Variants in ISG20 observed in about 807,000 individuals in gnomAD.
The protein encoded by ISG20 is interferon-stimulated gene 20 kDa protein.
Under a neutral mutation model 11.1 loss-of-function variants are expected in ISG20, and 8 were observed. The observed-to-expected ratio is 0.72, with a 90% confidence interval of 0.42 to 1.30. The LOEUF (loss-of-function observed/expected upper bound fraction) is 1.30. Among genes scored for constraint, ISG20 ranks in the 50% most tolerant of loss-of-function variants. The pLI is 0.01. For synonymous variants in ISG20, 110 were observed against 101.7 expected (o/e 1.08, Z -0.49); for missense variants, 243 against 250.2 (o/e 0.97, Z 0.19).
intron 2 of ISG20, chr15:88,647,444 G>A (rs796409253): frequency 1.4e-4 from 21 of 152,228 alleles, no homozygotes; most frequent in African/African-American, 5.1e-4. Flanking sequence ...CAATGCCCAG[G>A]GCAGCTCCCT....
Position 88,650,375 on chromosome 15 carries a change from G to C in ISG20, c.229-1735G>C. ...GCAGTCACAGCTGGGCGCCTGGGCT[G>C]CTGGAGGCCTGGAGTGGTCGTTCAC... On this transcript the variant is annotated intron_variant, in intron 2 of 3. Coordinates refer to ENST00000306072, the MANE Select transcript of ISG20 (RefSeq NM_002201.6). The surrounding 1 kb of genome is among the most constrained non-coding windows in gnomAD (Gnocchi z 4.0). 1.3e-6 allele frequency: 2 copies of C among 1,532,052 alleles called. No homozygotes were observed. The highest frequency in any genetic ancestry group is 1.7e-6 in the Non-Finnish European group (2 of 1,145,418). The allele number at this position is 1,532,052 out of a possible 1,614,324, so 94.9% of individuals were successfully genotyped here.
chr15:88,640,556 A>G (rs150580346), intron 2 of ISG20, among the ~76,000 whole-genome samples: 86 of 152,200 alleles, frequency 5.7e-4, no homozygotes, highest in African/African-American at 2.0e-3. Flanking sequence ...AAGTTACTCA[A>G]CCTCTTTGTA....
intron 2 of ISG20, among the ~76,000 whole-genome samples, chr15:88,646,448 T>C (rs1173725510): frequency 6.6e-6 from 1 of 152,194 alleles, no homozygotes; most frequent in Non-Finnish European, 1.5e-5. Flanking sequence ...GAATGCACTC[T>C]ATAAATGCTA....
Position 88,655,843 on chromosome 15 carries a change from T to C in ISG20, c.*312T>C. ...AAGTAGCATGTGGCTTAATTACTAATCCCACCCTTTGCTGTTGCATCCCAG... is the reference window on the plus strand; with the variant it reads ...AAGTAGCATGTGGCTTAATTACTAACCCCACCCTTTGCTGTTGCATCCCAG... On this transcript the variant is annotated 3_prime_UTR_variant, in exon 4 of 4. Coordinates refer to ENST00000306072, the MANE Select transcript of ISG20 (RefSeq NM_002201.6). The C allele has an allele frequency of 4.2e-6, 1 of 240,284 alleles. No individual in the cohort carries two copies. Among genetic ancestry groups the C allele is most frequent in the Non-Finnish European group, 8.1e-6 (1 of 123,346 alleles). 14.9% of individuals were successfully genotyped at this position (240,284 alleles called of 1,614,324 possible).
chr15:88,644,906 C>T (rs1184948277), intron 2 of ISG20, among the ~76,000 whole-genome samples: 4 of 152,234 alleles, frequency 2.6e-5, no homozygotes, highest in Admixed American at 6.5e-5. Flanking sequence ...AGTACCTCTC[C>T]GAGTCCCTGT....
At position 88,655,710 on chromosome 15, in the gene ISG20, T is replaced by C. The variant is rs145605816; in HGVS notation, c.*179T>C. 3.0e-4 allele frequency: 157 copies of C among 530,506 alleles called. No individual in the cohort carries two copies. Among genetic ancestry groups the C allele is most frequent in the Non-Finnish European group, 5.0e-4 (150 of 299,428 alleles). 32.9% of individuals were successfully genotyped at this position (530,506 alleles called of 1,614,324 possible). ...TGGGTTAACAGTAGACAGGACCCAT[T>C]TCTGTGTGATGTTAGGAGGGAATGA... is the stretch of plus-strand genomic sequence containing the variant. On this transcript the variant is annotated 3_prime_UTR_variant, in exon 4 of 4. Transcript: ENST00000306072.
chr15:88,636,145 G>A (rs1332517486), upstream of ISG20: 1 of 152,260 alleles, frequency 6.6e-6, no homozygotes, highest in African/African-American at 2.4e-5. Flanking sequence ...TGGCCGACTT[G>A]TACCTGTTAT....
intron 3 of ISG20, among the ~76,000 whole-genome samples, chr15:88,654,271 G>A (rs1184080798): frequency 6.6e-6 from 1 of 152,162 alleles, no homozygotes; most frequent in Non-Finnish European, 1.5e-5. Flanking sequence ...GTATGCAGAG[G>A]CACAGCGCAG....
At chr15:88,641,926 CTTTTTTTTTT>C (rs140178121) in intron 2 of ISG20, among the ~76,000 whole-genome samples, 51,438 of 103,862 alleles carry the variant, frequency 0.5, 11,260 homozygotes, top group Middle Eastern at 0.55. Context: ...TTAGCTTCCT[CTTTTTTTTTT>C]TTTTTTTTTT....
chr15:88,639,440 TG>T lies in ISG20; in HGVS notation c.76del (p.Ala26LeufsTer6). Reference protein sequence around the residue: ...VGLGPHRESGLARCSLVNVHG... With the variant: ...VGLGPHRESGXARCSLVNVHG... ...CTGGGGCCCCACCGGGAGAGTGGCC[TG>T]GCTCGTTGCAGCCTCGTGAACGTCC... On this transcript the variant is annotated frameshift_variant, in exon 2 of 4. Transcript: ENST00000306072. LOFTEE classifies it high-confidence loss of function. The surrounding 1 kb of genome is among the most constrained non-coding windows in gnomAD (Gnocchi z 4.2). The T allele has an allele frequency of 6.2e-7, 1 of 1,614,154 alleles. No homozygotes were observed. Among genetic ancestry groups the T allele is most frequent in the Non-Finnish European group, 8.5e-7 (1 of 1,180,010 alleles).
chr15:88,647,947 C>A (rs542909683), intron 2 of ISG20: 1 of 152,294 alleles, frequency 6.6e-6, no homozygotes, highest in African/African-American at 2.4e-5. Context: ...TGGCAGGTCC[C>A]TCTGGGTCTC....
At chr15:88,653,572 C>G (rs1378105616) in intron 3 of ISG20, among the ~76,000 whole-genome samples, 4 of 152,274 alleles carry the variant, frequency 2.6e-5, no homozygotes, top group African/African-American at 4.8e-5. Flanking sequence ...CTCTGTGGCT[C>G]TCAGTCTGGG....
At chr15:88,652,508 C>T (rs1213384626) in intron 3 of ISG20, among the ~76,000 whole-genome samples, 198 bp downstream of exon 3, 1 of 12,928 alleles carries the variant, frequency 7.7e-5, no homozygotes, top group African/African-American at 3.1e-4. Flanking sequence ...CTCCTCCTTC[C>T]CCTCCTCCTT....
Position 88,650,258 on chromosome 15 carries a change from G to T in ISG20, c.229-1852G>T. 2.0e-6 allele frequency: 3 copies of T among 1,535,664 alleles called. No individual in the cohort carries two copies. Among genetic ancestry groups the T allele is most frequent in the Non-Finnish European group, 2.6e-6 (3 of 1,146,892 alleles). On this transcript the variant is annotated intron_variant, in intron 2 of 3. Transcript: ENST00000306072. This position sits in a 1 kb window ranked among gnomAD's most constrained non-coding sequence, Gnocchi z 4.0. ...AGGTCCCCTTCCCATCCTCTCCAAC[G>T]GCAGCTGAGTGAAAGCAAGCTGACT...
intron 3 of ISG20, among the ~76,000 whole-genome samples, chr15:88,653,640 G>T (rs2058325675): frequency 6.6e-6 from 1 of 152,120 alleles, no homozygotes; most frequent in Non-Finnish European, 1.5e-5. Flanking sequence ...CATTAAGCCT[G>T]GTTGTTCCAG....
chr15:88,641,421 G>C (rs1297780690), intron 2 of ISG20, among the ~76,000 whole-genome samples: 1 of 152,160 alleles, frequency 6.6e-6, no homozygotes, highest in Non-Finnish European at 1.5e-5. Context: ...CTGTCTCGGG[G>C]TTCTGGAGGC....
chr15:88,650,692 C>T lies in ISG20; in HGVS notation c.229-1418C>T, dbSNP rs1403916671. 1.0e-5 allele frequency: 3 copies of T among 291,030 alleles called. No individual in the cohort carries two copies. The highest frequency in any genetic ancestry group is 6.6e-5 in the African/African-American group (3 of 45,634). The allele number at this position is 291,030 out of a possible 1,614,324, so 18.0% of individuals were successfully genotyped here. A position where few individuals can be genotyped will look rare whatever the true frequency, so the allele number is the denominator to read the frequency against. ...CCACCTGTCTGGTGGCTGGTGCTGG[C>T]CTGCCTTGGACACATCACTATCTCG... On this transcript the variant is annotated intron_variant, in intron 2 of 3. Coordinates refer to ENST00000306072, the MANE Select transcript of ISG20 (RefSeq NM_002201.6). The surrounding 1 kb of genome is among the most constrained non-coding windows in gnomAD (Gnocchi z 4.0).
chr15:88,639,606 C>T lies in ISG20; in HGVS notation c.228+12C>T. ...TGGCCAGGCTAGAGGTGAGTGAAGG[C>T]CCGGCCAGCAGGGGCTTTGGAAATA... On this transcript the variant is annotated intron_variant, in intron 2 of 3. Coordinates refer to ENST00000306072, the MANE Select transcript of ISG20 (RefSeq NM_002201.6). This position sits in a 1 kb window ranked among gnomAD's most constrained non-coding sequence, Gnocchi z 4.2. The T allele has an allele frequency of 1.2e-6, 2 of 1,606,694 alleles. No individual in the cohort carries two copies. The highest frequency in any genetic ancestry group is 1.7e-6 in the Non-Finnish European group (2 of 1,173,496).
chr15:88,636,443 A>G (rs1413417259), upstream of ISG20, among the ~76,000 whole-genome samples: 2 of 152,190 alleles, frequency 1.3e-5, no homozygotes, highest in East Asian at 3.9e-4. Flanking sequence ...CTGGGGCCCC[A>G]GTTTTGAACT....
Sources: allele counts gnomAD v4.1 joint callset (sites outside exome capture counted in the v4.1 genomes callset), GRCh38; gene constraint gnomAD v4.1.1; non-coding constraint Gnocchi (gnomAD v3.1); transcripts MANE v1.5; gene names NCBI Gene and HGNC (gene_info 2026-07-23, HGNC 2026-07-21).